The following TBCK variants were observed in gnomAD, a reference collection of about 807,000 sequenced individuals.
TBCK encodes TBC1 domain containing kinase.
Under a neutral mutation model 113.4 loss-of-function variants are expected in TBCK, and 99 were observed. That is an observed-to-expected ratio of 0.87 (90% CI 0.74 to 1.03). The LOEUF is 1.03. Among genes scored for constraint, TBCK ranks in the 50% least tolerant of loss-of-function variants. The pLI, the probability that TBCK is intolerant of heterozygous loss-of-function variation, is 0.00. For missense variants in TBCK, 1,045 were observed against 1,061.3 expected (o/e 0.98, Z 0.21); for synonymous variants, 369 against 370.8 (o/e 1.00, Z 0.05).
intron 3 of TBCK, among the ~76,000 whole-genome samples, chr4:106,274,415 T>C (rs1350519086): frequency 6.6e-6 from 1 of 152,022 alleles, no homozygotes; most frequent in African/African-American, 2.4e-5. Context: ...AGCCAAAAGG[T>C]AGAAACAATC....
intron 25 of TBCK, 64 bp downstream of exon 25, chr4:106,095,418 C>T (rs1740785230): frequency 5.5e-6 from 8 of 1,459,690 alleles, no homozygotes; most frequent in African/African-American, 1.4e-5. Context: ...TTTAGATAAC[C>T]TTCATATAGA....
chr4:106,100,159 T>C (rs969582787), intron 24 of TBCK, among the ~76,000 whole-genome samples: 1 of 152,210 alleles, frequency 6.6e-6, no homozygotes, highest in African/African-American at 2.4e-5. Context: ...TGATTTTATA[T>C]AAAATTTTCT....
intron 4 of TBCK, 130 bp from the exon 5 acceptor site, chr4:106,260,640 A>G: frequency 2.7e-6 from 1 of 368,108 alleles, no homozygotes; most frequent in Non-Finnish European, 4.9e-6. Context: ...TTTTATCAAA[A>G]TGCCACTGTA....
At chr4:106,262,062 G>A in intron 4 of TBCK, 36 bp downstream of exon 4, 2 of 1,255,876 alleles carry the variant, frequency 1.6e-6, no homozygotes, top group Non-Finnish European at 2.2e-6. Flanking sequence ...AATTTCAAAT[G>A]ATATATAAAT....
intron 4 of TBCK, among the ~76,000 whole-genome samples, chr4:106,261,597 T>C (rs1043514219): frequency 9.9e-5 from 15 of 152,070 alleles, no homozygotes; most frequent in Non-Finnish European, 1.3e-4. Flanking sequence ...TTCTTCTTAA[T>C]GCCCCATAAG....
At position 106,261,815 on chromosome 4, in the gene TBCK, C is replaced by G. The variant is rs148719044; in HGVS notation, c.381+283G>C. 4.3e-3 allele frequency among the ~76,000 whole-genome samples: 651 copies of G among 151,760 alleles called. 3 individuals are homozygous for G. The Middle Eastern group carries it at 0.044, about 10-fold the overall frequency. ...AGAGGAGGAGTATACTGGGACGCCACAAGGCTTTAGAAATAAGAGTAAAAT... is the reference window on the plus strand; with the variant it reads ...AGAGGAGGAGTATACTGGGACGCCAGAAGGCTTTAGAAATAAGAGTAAAAT... On this transcript the variant is annotated intron_variant, in intron 4 of 25. Coordinates refer to ENST00000394708, the MANE Select transcript of TBCK (RefSeq NM_001163435.3).
At chr4:106,290,686 T>C (rs1273671203) in intron 3 of TBCK, among the ~76,000 whole-genome samples, 1 of 152,126 alleles carries the variant, frequency 6.6e-6, no homozygotes, top group Non-Finnish European at 1.5e-5. Context: ...CATGGACTAG[T>C]CCTGGACCCT....
intron 5 of TBCK, among the ~76,000 whole-genome samples, chr4:106,252,410 T>C (rs1761536754): frequency 6.6e-6 from 1 of 152,008 alleles, no homozygotes; most frequent in South Asian, 2.1e-4. Context: ...GTTAATGCTA[T>C]AAAAAAGATA....
chr4:106,120,686 G>A (rs889303619), intron 23 of TBCK, among the ~76,000 whole-genome samples: 2 of 152,146 alleles, frequency 1.3e-5, no homozygotes, highest in African/African-American at 4.8e-5. Context: ...TAACTGGGAG[G>A]CACCCCCCAG....
intron 10 of TBCK, among the ~76,000 whole-genome samples, chr4:106,245,804 T>A (rs927089311): frequency 3.3e-5 from 5 of 152,152 alleles, no homozygotes; most frequent in African/African-American, 1.2e-4. Flanking sequence ...AAGAAAGTGG[T>A]GAACCTATGC....
chr4:106,294,669 G>C (rs1766091495), intron 3 of TBCK, among the ~76,000 whole-genome samples: 1 of 151,810 alleles, frequency 6.6e-6, no homozygotes, highest in Non-Finnish European at 1.5e-5. Context: ...TTTTAGTAGA[G>C]ACAGGGTTTC....
At chr4:106,194,526 A>G (rs1206006755) in intron 21 of TBCK, among the ~76,000 whole-genome samples, 192 bp downstream of exon 21, 1 of 152,040 alleles carries the variant, frequency 6.6e-6, no homozygotes, top group Non-Finnish European at 1.5e-5. Context: ...TTTTTATTTT[A>G]TAGAATTCTC....
chr4:106,209,613 TACTC>T (rs1755905097), intron 20 of TBCK, among the ~76,000 whole-genome samples: 2 of 152,188 alleles, frequency 1.3e-5, no homozygotes, highest in Non-Finnish European at 2.9e-5. Flanking sequence ...TCCACATAGT[TACTC>T]AATCAGGACC....
chr4:106,078,403 A>G (rs188200237), intron 25 of TBCK, among the ~76,000 whole-genome samples: 177 of 152,268 alleles, frequency 1.2e-3, no homozygotes, highest in African/African-American at 4.1e-3. Flanking sequence ...TAGATTAATA[A>G]AGAAAAAAGA....
chr4:106,248,810 T>C, intron 8 of TBCK, 111 bp downstream of exon 8: 1 of 814,380 alleles, frequency 1.2e-6, no homozygotes, highest in Non-Finnish European at 1.9e-6. Flanking sequence ...AACTTGGACT[T>C]CCTAGTTTCA....
chr4:106,309,766 G>A (rs138004703), intron 1 of TBCK, among the ~76,000 whole-genome samples: 1 of 152,200 alleles, frequency 6.6e-6, no homozygotes, highest in Non-Finnish European at 1.5e-5. Context: ...ATTAAAAGAA[G>A]GCTCTATAAT....
chr4:106,106,403 G>A (rs1301854825), intron 24 of TBCK, among the ~76,000 whole-genome samples: 4 of 152,156 alleles, frequency 2.6e-5, no homozygotes, highest in African/African-American at 9.7e-5. Context: ...AACTCGGGCA[G>A]GTCACCTACA....
At chr4:106,119,430 T>A (rs546445370) in intron 23 of TBCK, among the ~76,000 whole-genome samples, 72 of 151,892 alleles carry the variant, frequency 4.7e-4, no homozygotes, top group African/African-American at 1.7e-3. Flanking sequence ...GTCTTTTCAA[T>A]AAATGGTGCT....
intron 23 of TBCK, 104 bp from the exon 24 acceptor site, chr4:106,116,482 G>A: frequency 1.1e-6 from 1 of 938,608 alleles, no homozygotes; most frequent in Non-Finnish European, 1.6e-6. Flanking sequence ...GCATATAAGA[G>A]AAGAGGAAAC....
Sources: gnomAD v4.1 joint callset for allele counts (sites outside exome capture counted in the v4.1 genomes callset) on GRCh38, gnomAD v4.1.1 for gene constraint, MANE v1.5 for transcripts, NCBI Gene and HGNC (gene_info 2026-07-23, HGNC 2026-07-21) for gene names.